Variants in RASEF observed in about 807,000 individuals in gnomAD.
RASEF encodes ras and EF-hand domain-containing protein.
RASEF carries 68 observed loss-of-function variants against 90.1 expected under a neutral mutation model. The ratio of observed to expected loss-of-function variants is 0.75; its 90% confidence interval spans 0.62 to 0.92. The LOEUF is 0.92. Among genes scored for constraint, RASEF ranks in the 40% least tolerant of loss-of-function variants. RASEF has a pLI of 0.00. For missense variants in RASEF, 949 were observed against 937.2 expected (o/e 1.01, Z -0.16); for synonymous variants, 331 against 345.2 (o/e 0.96, Z 0.46).
the RASEF span, among the ~76,000 whole-genome samples, chr9:83,131,875 C>T: frequency 5.5e-3 from 841 of 152,198 alleles, 8 homozygotes; most frequent in African/African-American, 0.019. Flanking sequence ...AAAGACAAAT[C>T]TTTTTTGATC....
intron 14 of RASEF, among the ~76,000 whole-genome samples, chr9:82,994,794 A>T (rs752341627): frequency 3.9e-5 from 6 of 152,228 alleles, no homozygotes; most frequent in Admixed American, 3.9e-4. Context: ...CCATAATTCT[A>T]TTACAAGATT....
upstream of RASEF, among the ~76,000 whole-genome samples, chr9:83,065,759 C>A (rs1830277405): frequency 6.6e-6 from 1 of 152,182 alleles, no homozygotes; most frequent in Admixed American, 6.5e-5. Flanking sequence ...ACCAATTATT[C>A]TATCATTCTC....
chr9:83,092,003 C>CTTTTTTTT, the RASEF span, among the ~76,000 whole-genome samples: 10 of 35,894 alleles, frequency 2.8e-4, no homozygotes, highest in African/African-American at 7.4e-4. Flanking sequence ...TCTTTTATTT[C>CTTTTTTTT]TTTTTTTTTT....
chr9:83,007,288 T>A, intron 7 of RASEF, 149 bp downstream of exon 7: 1 of 659,360 alleles, frequency 1.5e-6, no homozygotes, highest in Non-Finnish European at 2.7e-6. Flanking sequence ...TAAGAGGAGA[T>A]GCCAAGTGCA....
At chr9:83,106,258 G>A in the RASEF span, among the ~76,000 whole-genome samples, 11 of 152,096 alleles carry the variant, frequency 7.2e-5, no homozygotes, top group East Asian at 3.9e-4. Context: ...ATACTTGCCC[G>A]TATCTCTCTG....
the RASEF span, among the ~76,000 whole-genome samples, chr9:83,131,111 C>T: frequency 6.6e-6 from 1 of 152,176 alleles, no homozygotes; most frequent in Non-Finnish European, 1.5e-5. Flanking sequence ...TCCTTTCTAA[C>T]TCTGACCCTA....
the RASEF span, among the ~76,000 whole-genome samples, chr9:83,173,581 G>C: frequency 6.6e-6 from 1 of 151,540 alleles, no homozygotes; most frequent in Non-Finnish European, 1.5e-5. Context: ...ATATCTGTTT[G>C]ATTTCCTTAT....
intron 1 of RASEF, among the ~76,000 whole-genome samples, chr9:83,027,110 G>C (rs1304498595): frequency 2.0e-5 from 3 of 152,130 alleles, no homozygotes; most frequent in Non-Finnish European, 4.4e-5. Flanking sequence ...ATATAACTCA[G>C]GATGGCCAAA....
chr9:83,195,945 G>A, the RASEF span, among the ~76,000 whole-genome samples: 2 of 152,154 alleles, frequency 1.3e-5, no homozygotes, highest in African/African-American at 4.8e-5. Flanking sequence ...GGTGCAAGCA[G>A]AAGCCCAGCT....
chr9:83,055,787 CT>C (rs1830092255), intron 1 of RASEF: 4 of 633,714 alleles, frequency 6.3e-6, no homozygotes, highest in East Asian at 2.8e-5. Context: ...AATATTTGGT[CT>C]CCTAAAACTC....
chr9:83,061,380 A>C (rs971083992), intron 1 of RASEF, among the ~76,000 whole-genome samples: 1 of 152,194 alleles, frequency 6.6e-6, no homozygotes, highest in East Asian at 1.9e-4. Context: ...CTTCCTTTTC[A>C]ATGTTCTGTC....
chr9:83,191,726 T>G, the RASEF span, among the ~76,000 whole-genome samples: 1 of 152,312 alleles, frequency 6.6e-6, no homozygotes, highest in African/African-American at 2.4e-5. Flanking sequence ...AGTATCAAAC[T>G]GCTGTTCACT....
At chr9:83,127,687 C>T in the RASEF span, among the ~76,000 whole-genome samples, 1 of 152,160 alleles carries the variant, frequency 6.6e-6, no homozygotes, top group Non-Finnish European at 1.5e-5. Context: ...TTAGTTACAA[C>T]CCTAGTCCTG....
chr9:83,120,578 G>A, the RASEF span, among the ~76,000 whole-genome samples: 2 of 152,104 alleles, frequency 1.3e-5, no homozygotes, highest in Non-Finnish European at 2.9e-5. Flanking sequence ...AAGAATTGGA[G>A]GTTGTTCATT....
chr9:83,197,151 T>A, the RASEF span, among the ~76,000 whole-genome samples: 1 of 152,178 alleles, frequency 6.6e-6, no homozygotes, highest in African/African-American at 2.4e-5. Flanking sequence ...ACTGTGTGAA[T>A]CACCTCTATT....
At chr9:83,144,391 GGAAAGAAA>G in the RASEF span, among the ~76,000 whole-genome samples, 1 of 33,220 alleles carries the variant, frequency 3.0e-5, no homozygotes, top group Non-Finnish European at 6.1e-5. Context: ...AAGAAAGAAA[GGAAAGAAA>G]GAAAGAAAGA....
intron 9 of RASEF, among the ~76,000 whole-genome samples, chr9:83,003,205 T>G (rs1440493127): frequency 2.0e-5 from 3 of 152,084 alleles, no homozygotes; most frequent in Admixed American, 1.3e-4. Flanking sequence ...TATCTTCTTA[T>G]GTCAAAATAA....
the RASEF span, among the ~76,000 whole-genome samples, chr9:83,167,635 C>A: frequency 6.6e-6 from 1 of 152,094 alleles, no homozygotes; most frequent in East Asian, 1.9e-4. Flanking sequence ...TTTTTATCAT[C>A]CTCCAGAAGA....
the RASEF span, among the ~76,000 whole-genome samples, chr9:83,203,242 C>G: frequency 6.6e-6 from 1 of 151,354 alleles, no homozygotes; most frequent in South Asian, 2.1e-4. Flanking sequence ...TGGTCTTGCC[C>G]TTGTAGACCC....
Sources: allele counts gnomAD v4.1 joint callset (sites outside exome capture counted in the v4.1 genomes callset), GRCh38; gene constraint gnomAD v4.1.1; transcripts MANE v1.5; gene names NCBI Gene and HGNC (gene_info 2026-07-23, HGNC 2026-07-21).